Variants in ANK3 observed in about 807,000 individuals in gnomAD.
ANK3 encodes the protein ankyrin 3.
In ANK3, 57 loss-of-function variants were observed where a neutral mutation model predicts 370.9. That is an observed-to-expected ratio of 0.15 (90% CI 0.12 to 0.19). The LOEUF is 0.19. Among genes scored for constraint, ANK3 ranks in the 10% least tolerant of loss-of-function variants. ANK3 has a pLI of 1.00. For missense variants in ANK3, 4,439 were observed against 5,302.1 expected (o/e 0.84, Z 5.06); for synonymous variants, 1,929 against 1,946.3 (o/e 0.99, Z 0.23).
chr10:60,688,398 G>A (rs1410518450), intron 1 of ANK3, among the ~76,000 whole-genome samples: 1 of 152,072 alleles, frequency 6.6e-6, no homozygotes, highest in Non-Finnish European at 1.5e-5. Context: ...TAAAATTTCA[G>A]TTACGTAAAA....
chr10:60,321,559 C>T lies in ANK3; in HGVS notation c.115-41920G>A, dbSNP rs566242053. Reference sequence around the variant, plus strand: ...TAACTCAGGGCTTACTCTCGCTAGGCATTCTACTCTGAACTCTGCATGTAT... The same window carrying T: ...TAACTCAGGGCTTACTCTCGCTAGGTATTCTACTCTGAACTCTGCATGTAT... On this transcript the variant is annotated intron_variant, in intron 1 of 43. Coordinates refer to ENST00000280772, the MANE Select transcript of ANK3 (RefSeq NM_020987.5). Among the ~76,000 whole-genome samples the T allele has an allele frequency of 2.6e-5, 4 of 152,328 alleles. No individual in the cohort carries two copies. The East Asian group carries it at 7.7e-4, about 29-fold the overall frequency.
intron 2 of ANK3, among the ~76,000 whole-genome samples, chr10:60,487,808 G>A (rs762831342): frequency 6.6e-6 from 1 of 151,662 alleles, no homozygotes; most frequent in East Asian, 1.9e-4. Context: ...TCTGCCTCCA[G>A]GGTTCCAGCA....
chr10:60,641,843 C>T (rs1032068169), intron 1 of ANK3, among the ~76,000 whole-genome samples: 37 of 151,936 alleles, frequency 2.4e-4, no homozygotes, highest in African/African-American at 8.2e-4. Context: ...AGTGAACAGG[C>T]AACCTACAAA....
In ANK3 at chr10:60,076,240, A is replaced by G; in HGVS notation, c.4641T>C (p.Ser1547=). The change falls in exon 37 of 44, where the codon TCT becomes TCC. Residue 1547 remains serine, a synonymous_variant. Transcript: ENST00000280772. ...ACGCGCCTAATGTGGATTTGATTGG[A>G]GAAGGTGTCGAAACAGACCATATTG... is the stretch of plus-strand genomic sequence containing the variant. The part of the protein sequence containing the change: ...LKSIWSVSTP[S]PIKSTLGAST... 6.2e-7 allele frequency: 1 copy of G among 1,614,122 alleles called. No homozygotes were observed. The highest frequency in any genetic ancestry group is 8.5e-7 in the Non-Finnish European group (1 of 1,179,968).
intron 1 of ANK3, among the ~76,000 whole-genome samples, chr10:60,317,959 G>A (rs1202950424): frequency 1.3e-5 from 2 of 151,946 alleles, no homozygotes; most frequent in African/African-American, 4.8e-5. Flanking sequence ...CTCGTGATCA[G>A]CCCGCCTCGG....
chr10:60,387,631 T>C (rs1364248883), intron 1 of ANK3, among the ~76,000 whole-genome samples: 4 of 152,238 alleles, frequency 2.6e-5, no homozygotes, highest in African/African-American at 9.6e-5. Context: ...TAAATCCACT[T>C]GCACATTTAC....
chr10:60,519,071 T>A (rs1017507686), intron 2 of ANK3, among the ~76,000 whole-genome samples: 1 of 152,150 alleles, frequency 6.6e-6, no homozygotes, highest in African/African-American at 2.4e-5. Context: ...AAGAGAATAT[T>A]ACCCTTGCTT....
chr10:60,407,772 G>A (rs1451926742), intron 2 of ANK3, among the ~76,000 whole-genome samples: 1 of 152,202 alleles, frequency 6.6e-6, no homozygotes, highest in East Asian at 1.9e-4. Flanking sequence ...ATTATCTGAA[G>A]ACTGTCAATA....
chr10:60,693,350 C>T (rs2079387535), intron 1 of ANK3, among the ~76,000 whole-genome samples: 1 of 152,216 alleles, frequency 6.6e-6, no homozygotes, highest in African/African-American at 2.4e-5. Flanking sequence ...CCCAGGCTTG[C>T]TTAGGTAAAC....
At position 60,172,916 on chromosome 10, in the gene ANK3, G is replaced by A. The variant is rs191792213; in HGVS notation, c.2366C>T (p.Pro789Leu). 4 of 1,613,414 alleles carry A rather than the reference G, an allele frequency of 2.5e-6. 1 individual carries two copies. The highest frequency in any genetic ancestry group is 2.2e-5 in the South Asian group (2 of 91,058). Residue 789 changes from proline to leucine, a missense_variant, in exon 20 of 44, where the codon CCC becomes CTC. Physicochemically the swap from Pro to Leu is moderately conservative, Grantham distance 98. Coordinates refer to ENST00000280772, the MANE Select transcript of ANK3 (RefSeq NM_020987.5). Reference sequence around the variant, plus strand: ...AGCGCTTACCACAGTGAGTTCATTGGGGGAGGCGTTGTTCTGAAGTAAGAC... The same window carrying A: ...AGCGCTTACCACAGTGAGTTCATTGAGGGAGGCGTTGTTCTGAAGTAAGAC... ...INVLLQNNAS[P>L]NELTVNGNTA...
At chr10:60,089,158 C>T (rs930427489) in intron 28 of ANK3, among the ~76,000 whole-genome samples, 3 of 152,160 alleles carry the variant, frequency 2.0e-5, no homozygotes, top group Admixed American at 1.3e-4. Flanking sequence ...CCACTGATGG[C>T]TCTCATGCGT....
At chr10:60,685,173 C>T in intron 1 of ANK3, 2 of 489,712 alleles carry the variant, frequency 4.1e-6, no homozygotes, top group Non-Finnish European at 7.4e-6. Context: ...CCTGTCTGCC[C>T]TCCTGGATGC....
At chr10:60,376,713 A>AC (rs1315599395) in intron 1 of ANK3, among the ~76,000 whole-genome samples, 1 of 152,224 alleles carries the variant, frequency 6.6e-6, no homozygotes, top group Non-Finnish European at 1.5e-5. Context: ...ATTCATGGTC[A>AC]CCCTCAAAGA....
At chr10:60,166,950 G>A in intron 21 of ANK3, 54 bp from the exon 22 acceptor site, 1 of 1,412,424 alleles carries the variant, frequency 7.1e-7, no homozygotes, top group Non-Finnish European at 1.0e-6. Flanking sequence ...ATTTTAATGG[G>A]TCTTTTCATT....
intron 7 of ANK3, among the ~76,000 whole-genome samples, chr10:60,246,255 CAAAAAAAAA>C (rs869144298): frequency 3.7e-4 from 34 of 92,674 alleles, no homozygotes; most frequent in African/African-American, 1.1e-3. Flanking sequence ...AACCCTGTAT[CAAAAAAAAA>C]AAAAAAAAAA....
chr10:60,176,574 CA>C (rs1290919965), intron 18 of ANK3, among the ~76,000 whole-genome samples: 1 of 151,888 alleles, frequency 6.6e-6, no homozygotes, highest in Non-Finnish European at 1.5e-5. Context: ...TCAGCCTGCC[CA>C]GTATGGCAAA....
intron 2 of ANK3, among the ~76,000 whole-genome samples, chr10:60,612,788 G>A (rs1055207812): frequency 2.0e-5 from 3 of 152,188 alleles, no homozygotes; most frequent in East Asian, 1.9e-4. Flanking sequence ...TCCTGGTGGC[G>A]TTGGAGCCTC....
At chr10:60,113,693 G>A (rs2092884194) in intron 26 of ANK3, among the ~76,000 whole-genome samples, 1 of 152,160 alleles carries the variant, frequency 6.6e-6, no homozygotes, top group South Asian at 2.1e-4. Context: ...CTGGCTGACA[G>A]AGCCAGACCC....
In ANK3 at chr10:60,071,115, G is replaced by A; in HGVS notation, c.9766C>T (p.Pro3256Ser). The A allele has an allele frequency of 1.2e-6, 2 of 1,614,130 alleles. No individual in the cohort carries two copies. The highest frequency in any genetic ancestry group is 1.7e-6 in the Non-Finnish European group (2 of 1,180,018). The part of the protein sequence containing the change: ...NNRVAYIEFP[P>S]PPPLDADQIE... ...TGGTCCGCATCCAGTGGTGGAGGAG[G>A]GGGAAATTCAATATAGGCAACTCTG... The change falls in exon 37 of 44, where the codon CCT (proline) becomes TCT (serine). Residue 3256 changes from proline (P) to serine (S), a missense_variant. By Grantham distance (74) the Pro-to-Ser change is moderately conservative. Transcript: ENST00000280772.
Sources: gnomAD v4.1 joint callset for allele counts (sites outside exome capture counted in the v4.1 genomes callset) on GRCh38, gnomAD v4.1.1 for gene constraint, MANE v1.5 for transcripts, NCBI Gene and HGNC (gene_info 2026-07-23, HGNC 2026-07-21) for gene names.